Variants in NELL1 observed in about 807,000 individuals in gnomAD.
NELL1 encodes the protein neural EGFL like 1, also known as protein kinase C-binding protein NELL1.
NELL1 carries 76 observed loss-of-function variants against 107.4 expected under a neutral mutation model. The observed-to-expected ratio is 0.71, with a 90% CI of 0.59 to 0.86. The LOEUF is 0.86. Among genes scored for constraint, NELL1 ranks in the 40% least tolerant of loss-of-function variants. The pLI, the probability that NELL1 is intolerant of heterozygous loss-of-function variation, is 0.00. For synonymous variants in NELL1, 353 were observed against 341.2 expected (o/e 1.03, Z -0.38); for missense variants, 1,024 against 1,005.5 (o/e 1.02, Z -0.25).
At chr11:21,108,120 A>C (rs981581601) in intron 12 of NELL1, among the ~76,000 whole-genome samples, 2 of 152,182 alleles carry the variant, frequency 1.3e-5, no homozygotes, top group African/African-American at 4.8e-5. Context: ...AAATGTACAC[A>C]GGGAGTGGGG....
At chr11:21,020,740 A>G (rs1042699512) in intron 12 of NELL1, among the ~76,000 whole-genome samples, 2 of 152,076 alleles carry the variant, frequency 1.3e-5, no homozygotes, top group Middle Eastern at 3.4e-3. Context: ...CTGCCTGGAT[A>G]CATAGATTTA....
intron 4 of NELL1, among the ~76,000 whole-genome samples, chr11:20,850,175 A>G (rs1402015188): frequency 1.3e-5 from 2 of 152,360 alleles, no homozygotes; most frequent in South Asian, 2.1e-4. Context: ...GTTTCTTCCC[A>G]GCCAGAACTT....
chr11:21,180,813 G>C (rs1273114630), intron 13 of NELL1, among the ~76,000 whole-genome samples: 2 of 151,290 alleles, frequency 1.3e-5, no homozygotes, highest in African/African-American at 4.9e-5. Flanking sequence ...CTTTTTGTCT[G>C]AACATCCAAC....
intron 14 of NELL1, among the ~76,000 whole-genome samples, chr11:21,267,620 G>A (rs781143812): frequency 5.3e-5 from 8 of 151,718 alleles, no homozygotes; most frequent in Non-Finnish European, 8.9e-5. Flanking sequence ...GTTCCTGGGA[G>A]TGTGTCTCAT....
chr11:21,249,791 AT>A (rs1554987763), intron 14 of NELL1, among the ~76,000 whole-genome samples: 1 of 152,158 alleles, frequency 6.6e-6, no homozygotes, highest in Non-Finnish European at 1.5e-5. Flanking sequence ...TAGAGGCCCA[AT>A]TTTAATCATA....
chr11:20,770,045 C>T (rs1392822744), intron 2 of NELL1, among the ~76,000 whole-genome samples: 2 of 152,088 alleles, frequency 1.3e-5, no homozygotes, highest in Non-Finnish European at 2.9e-5. Flanking sequence ...ATGTTCTTAC[C>T]CTAGGACACG....
chr11:20,822,861 C>T (rs1590327154), intron 3 of NELL1, among the ~76,000 whole-genome samples: 2 of 152,258 alleles, frequency 1.3e-5, no homozygotes, highest in Middle Eastern at 6.8e-3. Flanking sequence ...AGACCTTGGT[C>T]TTGTAGTAAG....
intron 12 of NELL1, among the ~76,000 whole-genome samples, chr11:21,093,029 C>T (rs560949776): frequency 6.6e-6 from 1 of 152,186 alleles, no homozygotes; most frequent in South Asian, 2.1e-4. Context: ...AGGAACAGGG[C>T]TAGGCAGGCA....
chr11:21,045,105 G>A (rs1237648847), intron 12 of NELL1, among the ~76,000 whole-genome samples: 2 of 152,184 alleles, frequency 1.3e-5, no homozygotes, highest in African/African-American at 4.8e-5. Context: ...AGTAAAGGCA[G>A]GAGGGCAGGC....
chr11:21,450,681 A>G (rs1853554787), intron 15 of NELL1, among the ~76,000 whole-genome samples: 1 of 152,208 alleles, frequency 6.6e-6, no homozygotes, highest in South Asian at 2.1e-4. Flanking sequence ...TATATGATGA[A>G]TTTGGAAGAA....
chr11:21,182,005 A>T (rs905779207), intron 13 of NELL1, among the ~76,000 whole-genome samples: 4 of 151,942 alleles, frequency 2.6e-5, no homozygotes, highest in African/African-American at 9.7e-5. Context: ...TACTGTTATT[A>T]TCCCAATGTA....
At chr11:21,348,946 T>C (rs891014784) in intron 14 of NELL1, among the ~76,000 whole-genome samples, 31 of 152,334 alleles carry the variant, frequency 2.0e-4, no homozygotes, top group Non-Finnish European at 1.5e-4. Flanking sequence ...TCATATATCA[T>C]GTCAAGAAAC....
chr11:21,136,802 C>G lies in NELL1; in HGVS notation c.1426+23088C>G, dbSNP rs530641979. ...GTCCACTTTTTTTTAGAGTACAAGA[C>G]TATTGTAAAAAATGGTCTGCAGTAA... On this transcript the variant is annotated intron_variant, in intron 13 of 19. Coordinates refer to ENST00000357134, the MANE Select transcript of NELL1 (RefSeq NM_006157.5). 3.9e-5 allele frequency among the ~76,000 whole-genome samples: 6 copies of G among 152,130 alleles called. No individual in the cohort carries two copies. The East Asian group carries it at 1.2e-3, about 29-fold the overall frequency.
intron 12 of NELL1, among the ~76,000 whole-genome samples, chr11:21,023,150 A>G (rs1852740490): frequency 6.6e-6 from 1 of 152,122 alleles, no homozygotes; most frequent in Non-Finnish European, 1.5e-5. Flanking sequence ...AGCCATAGAG[A>G]TAGAACAGTG....
intron 12 of NELL1, among the ~76,000 whole-genome samples, chr11:20,965,234 A>G (rs796694460): frequency 2.8e-4 from 43 of 152,352 alleles, no homozygotes; most frequent in African/African-American, 9.9e-4. Flanking sequence ...TTGTCATGCC[A>G]AATTCAACAT....
intron 14 of NELL1, among the ~76,000 whole-genome samples, chr11:21,332,746 A>G (rs950370650): frequency 1.1e-4 from 17 of 151,986 alleles, no homozygotes; most frequent in Middle Eastern, 3.4e-3. Context: ...CTTTTAAATT[A>G]TTTTACAGTT....
chr11:21,236,865 T>G (rs1174655699), intron 14 of NELL1, among the ~76,000 whole-genome samples: 1 of 152,126 alleles, frequency 6.6e-6, no homozygotes, highest in Non-Finnish European at 1.5e-5. Flanking sequence ...AAAGAAGGCC[T>G]GCCAGCCACC....
At chr11:21,070,858 A>G (rs1206973456) in intron 12 of NELL1, among the ~76,000 whole-genome samples, 1 of 152,158 alleles carries the variant, frequency 6.6e-6, no homozygotes, top group Non-Finnish European at 1.5e-5. Flanking sequence ...AGCCAGGTCA[A>G]CTATCCCTCT....
chr11:21,011,243 A>C (rs1405401563), intron 12 of NELL1, among the ~76,000 whole-genome samples: 1 of 152,112 alleles, frequency 6.6e-6, no homozygotes, highest in African/African-American at 2.4e-5. Flanking sequence ...GGTCTAGCCC[A>C]GAGTTATTTG....
Sources: gnomAD v4.1 joint callset for allele counts (sites outside exome capture counted in the v4.1 genomes callset) on GRCh38, gnomAD v4.1.1 for gene constraint, MANE v1.5 for transcripts, NCBI Gene and HGNC (gene_info 2026-07-23, HGNC 2026-07-21) for gene names.